RC3H2: variants seen among roughly 807,000 people sequenced by gnomAD.
The protein encoded by RC3H2 is roquin-2.
In RC3H2, 31 loss-of-function variants were observed where a neutral mutation model predicts 133.3. That is an observed-to-expected ratio of 0.23 (90% CI 0.17 to 0.31). RC3H2 has a LOEUF of 0.31. Ranked by LOEUF, RC3H2 falls within the 10% of genes least tolerant of loss-of-function variation. RC3H2 has a pLI of 1.00. For missense variants in RC3H2, 1,175 were observed against 1,437.2 expected (o/e 0.82, Z 2.95); for synonymous variants, 517 against 502.2 (o/e 1.03, Z -0.40).
chr9:122,904,608 GGCCGTCCCCATCCTGGGAGGTTAA>G (rs1029024896), intron 1 of RC3H2, among the ~76,000 whole-genome samples: 1 of 152,170 alleles, frequency 6.6e-6, no homozygotes, highest in Non-Finnish European at 1.5e-5. Context: ...ACTCAGGTCC[GGCCGTCCCCATCCTGGGAGGTTAA>G]GCCCTCCCAG....
chr9:122,857,143 G>A (rs1426210028), intron 13 of RC3H2, among the ~76,000 whole-genome samples: 1 of 152,188 alleles, frequency 6.6e-6, no homozygotes, highest in Non-Finnish European at 1.5e-5. Context: ...GAACCTGGGT[G>A]TTGGGTACAT....
At chr9:122,850,430 C>A (rs953716590) in intron 20 of RC3H2, among the ~76,000 whole-genome samples, 1 of 100,710 alleles carries the variant, frequency 9.9e-6, no homozygotes, top group Non-Finnish European at 1.8e-5. Flanking sequence ...TATATGCTAT[C>A]TATCTATAGA....
Position 122,858,840 on chromosome 9 carries a change from A to C in RC3H2, c.2112T>G (p.Pro704=). ...VYDSRRIWRP[P]MYQRDDIIRS... is the part of the protein sequence containing the mutation. The stretch of plus-strand genomic sequence containing the variant: ...TAATAATGTCATCTCGTTGGTACAT[A>C]GGTGGGCGCCAGATGCGCCTGCTGT... The change falls in exon 12 of 21, where the codon CCT becomes CCG. Residue 704 remains proline (P), a synonymous_variant. Coordinates refer to ENST00000357244, the MANE Select transcript of RC3H2 (RefSeq NM_001100588.3). 6.2e-7 allele frequency: 1 copy of C among 1,614,282 alleles called. No homozygotes were observed. Among genetic ancestry groups the C allele is most frequent in the Non-Finnish European group, 8.5e-7 (1 of 1,180,046 alleles).
rs538358690 is a variant in RC3H2, at chr9:122,885,870, T to C, written c.584-2491A>G. ...TGGTTTCTTTCATTTAACGTGTTTT[T>C]TGTTTTGTTTTGTTTTGTTTGTTTT... On this transcript the variant is annotated intron_variant, in intron 4 of 20. Transcript: ENST00000357244. Among the ~76,000 whole-genome samples the C allele has an allele frequency of 4.0e-5, 6 of 149,402 alleles. No individual in the cohort carries two copies. The South Asian group carries it at 6.2e-4, about 15-fold the overall frequency.
chr9:122,852,385 C>T (rs1249158091), intron 18 of RC3H2, among the ~76,000 whole-genome samples: 94 of 151,038 alleles, frequency 6.2e-4, no homozygotes, highest in African/African-American at 2.2e-3. Flanking sequence ...GCCCGGCAGC[C>T]GCCCCGTCCG....
rs1431387476 is a variant in RC3H2, at chr9:122,874,895, T to C, written c.1325+2576A>G. The C allele has an allele frequency of 2.6e-5, 8 of 312,928 alleles. No individual in the cohort carries two copies. In the East Asian group the frequency reaches 3.9e-4, roughly 15 times the overall value. The allele number at this position is 312,928 out of a possible 1,614,324, so 19.4% of individuals were successfully genotyped here. A position where few individuals can be genotyped will look rare whatever the true frequency, so the allele number is the denominator to read the frequency against. On this transcript the variant is annotated intron_variant, in intron 9 of 20. Transcript: ENST00000357244. ...AAAGTTCTGAACTAGGTACTGCAGA[T>C]GAAGAATGTGAAGTCTGTTTGAAGG... is the stretch of plus-strand genomic sequence containing the variant.
intron 12 of RC3H2, 127 bp downstream of exon 12, chr9:122,858,542 T>C (rs1830335268): frequency 2.9e-6 from 2 of 686,630 alleles, no homozygotes; most frequent in Non-Finnish European, 2.5e-6. Flanking sequence ...AACTGAGGCA[T>C]AGGGAGGTCA....
intron 4 of RC3H2, among the ~76,000 whole-genome samples, chr9:122,888,349 A>T (rs1316111484): frequency 6.6e-6 from 1 of 152,322 alleles, no homozygotes; most frequent in East Asian, 1.9e-4. Context: ...TTTAAAAAAT[A>T]TTTAAAGTTG....
intron 4 of RC3H2, among the ~76,000 whole-genome samples, chr9:122,889,121 G>C (rs1299209342): frequency 6.6e-6 from 1 of 152,074 alleles, no homozygotes; most frequent in Non-Finnish European, 1.5e-5. Context: ...TTAGTCCTCT[G>C]TGTATGTTTG....
intron 9 of RC3H2, among the ~76,000 whole-genome samples, chr9:122,873,288 G>T (rs1159849053): frequency 6.6e-6 from 1 of 152,160 alleles, no homozygotes; most frequent in African/African-American, 2.4e-5. Context: ...TATTATCCCT[G>T]TTTGTTTAAA....
intron 2 of RC3H2, among the ~76,000 whole-genome samples, chr9:122,896,770 C>A (rs116954343): frequency 0.016 from 2,414 of 152,014 alleles, 34 homozygotes; most frequent in South Asian, 0.065. Flanking sequence ...CACCTGTAGT[C>A]CTAGCACCCT....
intron 10 of RC3H2, among the ~76,000 whole-genome samples, chr9:122,861,127 G>T (rs1830439329): frequency 6.6e-6 from 1 of 152,104 alleles, no homozygotes; most frequent in Non-Finnish European, 1.5e-5. Flanking sequence ...TAACACAAAA[G>T]AATTTTCTTG....
chr9:122,860,816 T>C (rs1830428555), intron 10 of RC3H2, among the ~76,000 whole-genome samples: 2 of 151,942 alleles, frequency 1.3e-5, no homozygotes, highest in Admixed American at 1.3e-4. Context: ...AGTCCATTAG[T>C]GGAACTATTT....
At chr9:122,871,673 C>G (rs1026168254) in intron 9 of RC3H2, among the ~76,000 whole-genome samples, 2 of 152,018 alleles carry the variant, frequency 1.3e-5, no homozygotes, top group African/African-American at 4.8e-5. Context: ...TCTAAGAGAT[C>G]TCCCCTTTCT....
Position 122,855,841 on chromosome 9 carries a change from T to C in RC3H2, c.2492A>G (p.Asp831Gly), listed in dbSNP as rs772152675. 9.3e-6 allele frequency: 15 copies of C among 1,613,304 alleles called. No individual in the cohort carries two copies. In the East Asian group the frequency reaches 3.1e-4, roughly 34 times the overall value. The change falls in exon 14 of 21, where the codon GAT becomes GGT. Residue 831 changes from aspartate (D) to glycine (G), a missense_variant. Transcript: ENST00000357244. ...ESVSGTKFEE[D>G]HLSHYSPWSC... ...CCAGGGAGAATAATGGGAAAGATGA[T>C]CTTCTTCAAATTTTGTACCACTCAC...
rs759607608 is a variant in RC3H2 at position 122,880,012 on chromosome 9, T to C, written c.1074A>G (p.Ala358=). The change falls in exon 7 of 21, where the codon GCA becomes GCG. Residue 358 remains alanine (A), a synonymous_variant. Coordinates refer to ENST00000357244, the MANE Select transcript of RC3H2 (RefSeq NM_001100588.3). ...ACATACCTGGATTAGGGTCTATGTT[T>C]GCAAGAAGCTCTAAATGAGGCCTCA... ...NRLRPHLELL[A]NIDPNPDAVS... is the part of the protein sequence containing the mutation. The C allele has an allele frequency of 4.3e-6, 7 of 1,614,066 alleles. No homozygotes were observed. In the African/African-American group the frequency reaches 9.3e-5, roughly 22 times the overall value.
chr9:122,874,123 G>A (rs1214450742), intron 9 of RC3H2: 3 of 152,082 alleles, frequency 2.0e-5, no homozygotes, highest in East Asian at 1.9e-4. Flanking sequence ...AGATAAAGAG[G>A]AGAGAGAAAA....
intron 9 of RC3H2, among the ~76,000 whole-genome samples, chr9:122,872,489 T>C (rs1318404805): frequency 1.3e-5 from 2 of 152,234 alleles, no homozygotes; most frequent in Admixed American, 1.3e-4. Flanking sequence ...GCAAACAGAA[T>C]AAAATCCAAA....
chr9:122,904,777 C>A (rs1222313750), intron 1 of RC3H2, among the ~76,000 whole-genome samples: 1 of 152,182 alleles, frequency 6.6e-6, no homozygotes, highest in Non-Finnish European at 1.5e-5. Flanking sequence ...TCTTCCAAAC[C>A]CCCTTACTAA....
Sources: allele counts gnomAD v4.1 joint callset (sites outside exome capture counted in the v4.1 genomes callset), GRCh38; gene constraint gnomAD v4.1.1; transcripts MANE v1.5; gene names NCBI Gene and HGNC (gene_info 2026-07-23, HGNC 2026-07-21).